TRPM4: variants seen among roughly 807,000 people sequenced by gnomAD.
TRPM4 encodes transient receptor potential cation channel subfamily M member 4, also known as calcium-activated non-selective cation channel 1.
TRPM4 carries 124 observed loss-of-function variants against 135.6 expected under a neutral mutation model. That is an observed-to-expected ratio of 0.91 (90% CI 0.79 to 1.06). TRPM4 has a LOEUF of 1.06. Among genes scored for constraint, TRPM4 ranks in the 50% least tolerant of loss-of-function variants. The pLI, the probability that TRPM4 is intolerant of heterozygous loss-of-function variation, is 0.00. For missense variants in TRPM4, 1,658 were observed against 1,671.4 expected (o/e 0.99, Z 0.14); for synonymous variants, 745 against 705.6 (o/e 1.06, Z -0.88).
In TRPM4 at chr19:49,211,407, C is replaced by G; in HGVS notation, c.3641-87C>G. On this transcript the variant is annotated intron_variant, in intron 24 of 24. Transcript: ENST00000252826. This position sits in a 1 kb window ranked among gnomAD's most constrained non-coding sequence, Gnocchi z 4.8. ...GAGCCTTTTGTACTCTCGCCTTCGT[C>G]TTTCTTCTTTTTTGCCAGTCTCCCA... 1 of 1,605,922 alleles carries G rather than the reference C, an allele frequency of 6.2e-7. No homozygotes were observed. The highest frequency in any genetic ancestry group is 8.5e-7 in the Non-Finnish European group (1 of 1,174,724).
chr19:49,171,778 C>T lies in TRPM4; in HGVS notation c.1050+9C>T. ...AGGTCCTGCAGGCCCAGGTATGACA[C>T]TGGGGGCCCAACTCTGGATCCTGAG... On this transcript the variant is annotated intron_variant, in intron 8 of 24. Coordinates refer to ENST00000252826, the MANE Select transcript of TRPM4 (RefSeq NM_017636.4). This position sits in a 1 kb window ranked among gnomAD's most constrained non-coding sequence, Gnocchi z 4.7. 6.2e-7 allele frequency: 1 copy of T among 1,606,354 alleles called. No homozygotes were observed. The highest frequency in any genetic ancestry group is 8.5e-7 in the Non-Finnish European group (1 of 1,178,892).
At chr19:49,159,073 C>CCAGGCTGGAGCG (rs533843263) in intron 2 of TRPM4, 3 of 147,406 alleles carry the variant, frequency 2.0e-5, no homozygotes, top group South Asian at 4.3e-4. Flanking sequence ...GCTCTGTCCC[C>CCAGGCTGGAGCG]CAGGCTGGAG....
intron 15 of TRPM4, 79 bp from the exon 16 acceptor site, chr19:49,190,617 G>T: frequency 6.9e-7 from 1 of 1,440,336 alleles, no homozygotes; most frequent in South Asian, 1.2e-5. Context: ...TCCGGGTGAA[G>T]AAGTTTGAGT....
At chr19:49,206,338 G>T (rs1969150111) in intron 20 of TRPM4, among the ~76,000 whole-genome samples, 1 of 151,830 alleles carries the variant, frequency 6.6e-6, no homozygotes, top group Non-Finnish European at 1.5e-5. Context: ...TTTCAAGATT[G>T]TTTTGGCTAT....
chr19:49,182,679 G>T lies in TRPM4; in HGVS notation c.1365G>T (p.Leu455=). The T allele has an allele frequency of 6.2e-7, 1 of 1,614,190 alleles. No homozygotes were observed. The highest frequency in any genetic ancestry group is 8.5e-7 in the Non-Finnish European group (1 of 1,180,038). ...ISHGLSLGHF[L]TPMRLAQLYS... is the part of the protein sequence containing the mutation. Reference sequence around the variant, plus strand: ...ACGGCCTCAGCCTGGGCCACTTCCTGACCCCGATGCGCCTGGCCCAACTCT... The same window carrying T: ...ACGGCCTCAGCCTGGGCCACTTCCTTACCCCGATGCGCCTGGCCCAACTCT... Residue 455 remains leucine (L), a synonymous_variant, in exon 11 of 25, where the codon CTG becomes CTT. Coordinates refer to ENST00000252826, the MANE Select transcript of TRPM4 (RefSeq NM_017636.4).
At chr19:49,204,987 T>G (rs962520423) in intron 20 of TRPM4, among the ~76,000 whole-genome samples, 7 of 133,002 alleles carry the variant, frequency 5.3e-5, no homozygotes, top group South Asian at 2.3e-4. Context: ...TGGTTGTTTT[T>G]TTTTTTTTTT....
At chr19:49,183,343 T>TA (rs1185666409) in intron 12 of TRPM4, 131 bp downstream of exon 12, 1 of 1,084,268 alleles carries the variant, frequency 9.2e-7, no homozygotes, top group Non-Finnish European at 1.4e-6. Flanking sequence ...CCGTCGCTGA[T>TA]ATATGCCTCC....
In TRPM4 at chr19:49,200,351, CA is replaced by C; in HGVS notation, c.2698del (p.Met900TrpfsTer24). On this transcript the variant is annotated frameshift_variant, in exon 18 of 25. Coordinates refer to ENST00000252826, the MANE Select transcript of TRPM4 (RefSeq NM_017636.4). LOFTEE classifies it high-confidence loss of function. ...LGRTVLCIDFMVFTVRLLHIF... is the reference protein window; with the variant it reads ...LGRTVLCIDFXVFTVRLLHIF... Reference sequence around the variant, plus strand: ...GCCGCACTGTCCTCTGCATCGACTTCATGGTTTTCACGGTGCGGCTGCTTCA... The same window carrying C: ...GCCGCACTGTCCTCTGCATCGACTTCTGGTTTTCACGGTGCGGCTGCTTCA... 6.2e-7 allele frequency: 1 copy of C among 1,614,116 alleles called. No homozygotes were observed.
intron 2 of TRPM4, among the ~76,000 whole-genome samples, chr19:49,160,481 C>T (rs909316469): frequency 1.5e-5 from 2 of 130,874 alleles, no homozygotes; most frequent in African/African-American, 6.5e-5. Context: ...AAGACTCCAT[C>T]TCAAAAAAAA....
intron 2 of TRPM4, among the ~76,000 whole-genome samples, chr19:49,165,465 C>G (rs1367309235): frequency 6.6e-6 from 1 of 152,132 alleles, no homozygotes; most frequent in East Asian, 1.9e-4. Context: ...GTGTGAAGTT[C>G]GTGTCGCGTT....
chr19:49,160,875 C>G (rs949944045), intron 2 of TRPM4, among the ~76,000 whole-genome samples: 3 of 151,718 alleles, frequency 2.0e-5, no homozygotes, highest in Admixed American at 1.3e-4. Context: ...GGGGCAAAGA[C>G]TCAGGGGGCA....
rs749551967 is a variant in TRPM4, at chr19:49,158,186, C to A, written c.25-6C>A. 25 of 1,613,762 alleles carry A rather than the reference C, an allele frequency of 1.5e-5. No individual in the cohort carries two copies. The East Asian group carries it at 5.6e-4, about 36-fold the overall frequency. On this transcript the variant is annotated splice_region_variant and splice_polypyrimidine_tract_variant and intron_variant, in intron 1 of 24. Transcript: ENST00000252826. ...CTTCCACCCCTACATTTGTTCCTGT[C>A]CCCAGAGCTGGATCCCCAAGATCTT...
At position 49,171,674 on chromosome 19, in the gene TRPM4, CTGG is replaced by C. The variant is rs764918057; in HGVS notation, c.956_958del (p.Leu319_Ala320delinsPro). 196 of 1,614,038 alleles carry C rather than the reference CTGG, an allele frequency of 1.2e-4. 2 individuals are homozygous for C. The South Asian group carries it at 1.3e-3, about 11-fold the overall frequency. On this transcript the variant is annotated inframe_deletion, in exon 8 of 25. Transcript: ENST00000252826. This position sits in a 1 kb window ranked among gnomAD's most constrained non-coding sequence, Gnocchi z 4.7. ...CCTGGCGGAGACCCTGGAAGACACT[CTGG>C]CCCCAGGGAGTGGGGGAGCCAGGCA...
intron 14 of TRPM4, among the ~76,000 whole-genome samples, chr19:49,189,623 C>T (rs1032364982): frequency 7.2e-5 from 11 of 151,938 alleles, no homozygotes; most frequent in African/African-American, 2.7e-4. Context: ...TTGGGAAGCC[C>T]TACTTGCTCC....
In TRPM4 at chr19:49,168,441, G is replaced by A; in HGVS notation, c.612+18G>A. 1 of 1,613,956 alleles carries A rather than the reference G, an allele frequency of 6.2e-7. No homozygotes were observed. Among genetic ancestry groups the A allele is most frequent in the Middle Eastern group, 1.7e-4 (1 of 6,052 alleles). On this transcript the variant is annotated intron_variant, in intron 5 of 24. Coordinates refer to ENST00000252826, the MANE Select transcript of TRPM4 (RefSeq NM_017636.4). ...ACCCCAAGGTGTGACCCAGGGACTT[G>A]GAAAAGGGGGCTGGAGGCCTGGACT...
intron 2 of TRPM4, chr19:49,158,503 C>G: frequency 1.8e-6 from 1 of 555,554 alleles, no homozygotes. Context: ...CTGCTTCTTT[C>G]CTCCCCGATG....
intron 20 of TRPM4, among the ~76,000 whole-genome samples, chr19:49,206,932 T>C (rs1222069822): frequency 1.3e-5 from 2 of 152,222 alleles, no homozygotes; most frequent in African/African-American, 4.8e-5. Context: ...GTGGAATTGC[T>C]TTCTTAATTT....
At chr19:49,200,159 A>C in intron 17 of TRPM4, 141 bp from the exon 18 acceptor site, 1 of 1,296,090 alleles carries the variant, frequency 7.7e-7, no homozygotes, top group South Asian at 1.2e-5. Context: ...AATAAATTTG[A>C]GTAAACCCCG....
chr19:49,194,152 T>G (rs1968533434), intron 16 of TRPM4, among the ~76,000 whole-genome samples: 2 of 151,416 alleles, frequency 1.3e-5, no homozygotes, highest in East Asian at 3.9e-4. Context: ...TTCCTCCTCT[T>G]CATCCTCCTC....
Sources: allele counts gnomAD v4.1 joint callset (sites outside exome capture counted in the v4.1 genomes callset), GRCh38; gene constraint gnomAD v4.1.1; non-coding constraint Gnocchi (gnomAD v3.1); transcripts MANE v1.5; gene names NCBI Gene and HGNC (gene_info 2026-07-23, HGNC 2026-07-21).